ATP11A: variants seen among roughly 807,000 people sequenced by gnomAD.
ATP11A encodes phospholipid-transporting ATPase IH.
In ATP11A, 81 loss-of-function variants were observed where a neutral mutation model predicts 154.4. The observed-to-expected ratio is 0.52, with a 90% CI of 0.44 to 0.63. The LOEUF is 0.63. ATP11A is among the 30% of genes least tolerant of loss of function. The pLI, the probability that ATP11A is intolerant of heterozygous loss-of-function variation, is 0.00. For synonymous variants in ATP11A, 623 were observed against 585.9 expected (o/e 1.06, Z -0.91); for missense variants, 1,316 against 1,474.3 (o/e 0.89, Z 1.76).
chr13:112,691,624 A>G (rs1459130757), intron 1 of ATP11A, among the ~76,000 whole-genome samples: 2 of 152,042 alleles, frequency 1.3e-5, no homozygotes, highest in Non-Finnish European at 2.9e-5. Flanking sequence ...GAGAAGTCGC[A>G]TGCACCGGGT....
intron 6 of ATP11A, among the ~76,000 whole-genome samples, chr13:112,817,440 C>T (rs1297681312): frequency 7.2e-5 from 11 of 152,254 alleles, no homozygotes; most frequent in Admixed American, 2.0e-4. Flanking sequence ...AGAATGAACA[C>T]GCTAACCTAA....
rs922188611 is a variant in ATP11A, at chr13:112,753,773, A to T, written c.40-31362A>T. Among the ~76,000 whole-genome samples, 6 of 152,180 alleles carry T rather than the reference A, an allele frequency of 3.9e-5. No individual in the cohort carries two copies. Among genetic ancestry groups the T allele is most frequent in the Admixed American group, 1.3e-4 (2 of 15,288 alleles). ...TAAAGTGAGTCACATAAAAAAAATAATGGAGACAGTGATTCCCAGGCCAAG... is the reference window on the plus strand; with the variant it reads ...TAAAGTGAGTCACATAAAAAAAATATTGGAGACAGTGATTCCCAGGCCAAG... On this transcript the variant is annotated intron_variant, in intron 1 of 29. Coordinates refer to ENST00000375645, the MANE Select transcript of ATP11A (RefSeq NM_015205.3). This position sits in a 1 kb window ranked among gnomAD's most constrained non-coding sequence, Gnocchi z 4.1.
chr13:112,718,546 C>A (rs1193864499), intron 1 of ATP11A, among the ~76,000 whole-genome samples: 2 of 152,212 alleles, frequency 1.3e-5, no homozygotes, highest in Non-Finnish European at 2.9e-5. Context: ...GGATGGGAAC[C>A]CGCAGAGGCA....
intron 1 of ATP11A, among the ~76,000 whole-genome samples, chr13:112,768,267 C>T (rs186543012): frequency 2.1e-4 from 32 of 152,378 alleles, no homozygotes; most frequent in Non-Finnish European, 2.9e-4. Context: ...CTACCAGCAG[C>T]GTCTTCGCTT....
At chr13:112,752,349 T>C (rs970379782) in intron 1 of ATP11A, among the ~76,000 whole-genome samples, 6 of 152,200 alleles carry the variant, frequency 3.9e-5, no homozygotes, top group African/African-American at 1.4e-4. Flanking sequence ...TGCGAGGACC[T>C]GTTTGAGCAC....
chr13:112,822,052 A>G (rs531937818), intron 8 of ATP11A, among the ~76,000 whole-genome samples: 1 of 152,316 alleles, frequency 6.6e-6, no homozygotes, highest in Admixed American at 6.5e-5. Flanking sequence ...TCGACCAAAT[A>G]TACTGCATGC....
chr13:112,726,149 G>A (rs1413509407), intron 1 of ATP11A, among the ~76,000 whole-genome samples: 7 of 152,134 alleles, frequency 4.6e-5, no homozygotes, highest in South Asian at 4.1e-4. Flanking sequence ...GGGGCACGGC[G>A]TGCGTGCAGG....
At chr13:112,802,219 G>T (rs113759222) in intron 2 of ATP11A, among the ~76,000 whole-genome samples, 3 of 152,010 alleles carry the variant, frequency 2.0e-5, no homozygotes, top group African/African-American at 7.3e-5. Flanking sequence ...GGTGGTGGGC[G>T]CCTGTAGTCC....
intron 1 of ATP11A, among the ~76,000 whole-genome samples, chr13:112,770,641 A>G (rs1180753451): frequency 6.6e-6 from 1 of 152,134 alleles, no homozygotes; most frequent in African/African-American, 2.4e-5. Context: ...AACGTGGTCC[A>G]CCTGCGGAGG....
At chr13:112,823,321 T>C (rs749725054) in intron 8 of ATP11A, 24 bp from the exon 9 acceptor site, 1 of 1,608,490 alleles carries the variant, frequency 6.2e-7, no homozygotes, top group Non-Finnish European at 8.5e-7. Flanking sequence ...GTCCGCATCA[T>C]TTCTGATCAT....
At position 112,854,519 on chromosome 13, in the gene ATP11A, C is replaced by T. The variant is rs747384650; in HGVS notation, c.2232C>T (p.Asp744=). Residue 744 remains aspartate, a synonymous_variant, in exon 19 of 30, where the codon GAC becomes GAT. Transcript: ENST00000375645. ...GCCACAGCGGGAGCCTGACCAGAGA[C>T]AACCTGTCCGGGTAGGCAGCGCGTC... ...VLRHSGSLTR[D]NLSGLSADMQ... is the part of the protein sequence containing the mutation. 3.7e-6 allele frequency: 6 copies of T among 1,610,034 alleles called. No individual in the cohort carries two copies. The highest frequency in any genetic ancestry group is 5.1e-6 in the Non-Finnish European group (6 of 1,179,646).
At chr13:112,747,870 GGATT>G (rs1204195598) in intron 1 of ATP11A, among the ~76,000 whole-genome samples, 2 of 151,926 alleles carry the variant, frequency 1.3e-5, no homozygotes, top group Admixed American at 6.6e-5. Flanking sequence ...AAGGAACACA[GGATT>G]GTATGCAGAA....
Position 112,832,994 on chromosome 13 carries a change from C to T in ATP11A, c.1530C>T (p.Asp510=), listed in dbSNP as rs544032966. ...GTGTGTACATCTCATCCTCGCCCGA[C>T]GAGGTGGCGCTGGTCGAAGGTGTCC... The part of the protein sequence containing the change: ...KSCVYISSSP[D]EVALVEGVQR... The change falls in exon 14 of 30, where the codon GAC becomes GAT. Residue 510 remains aspartate (D), a synonymous_variant. Transcript: ENST00000375645. 7 of 1,613,292 alleles carry T rather than the reference C, an allele frequency of 4.3e-6. No homozygotes were observed. The highest frequency in any genetic ancestry group is 4.0e-5 in the African/African-American group (3 of 75,012).
chr13:112,799,105 CAACAT>C (rs1489360629), intron 2 of ATP11A, among the ~76,000 whole-genome samples: 1 of 152,158 alleles, frequency 6.6e-6, no homozygotes, highest in Non-Finnish European at 1.5e-5. Context: ...TTCTCCAAGA[CAACAT>C]AACAATTCTC....
intron 1 of ATP11A, among the ~76,000 whole-genome samples, chr13:112,725,401 T>G (rs1283993963): frequency 6.6e-6 from 1 of 152,172 alleles, no homozygotes; most frequent in Non-Finnish European, 1.5e-5. Flanking sequence ...TGCCCGGGCA[T>G]GCACCAGCCT....
intron 2 of ATP11A, among the ~76,000 whole-genome samples, chr13:112,804,697 A>C (rs539503429): frequency 5.3e-5 from 8 of 151,908 alleles, no homozygotes; most frequent in Non-Finnish European, 1.2e-4. Flanking sequence ...ACATCTTAAT[A>C]ATCAAACTAT....
At chr13:112,752,541 C>G (rs1191450630) in intron 1 of ATP11A, among the ~76,000 whole-genome samples, 1 of 152,182 alleles carries the variant, frequency 6.6e-6, no homozygotes, top group African/African-American at 2.4e-5. Context: ...CCACCCCCAG[C>G]CTGCTGCCAT....
chr13:112,765,148 C>G (rs980154113), intron 1 of ATP11A, among the ~76,000 whole-genome samples: 1 of 25,220 alleles, frequency 4.0e-5, no homozygotes, highest in African/African-American at 4.5e-4. Flanking sequence ...GGCTTGCCCC[C>G]CCTCCCCCCC....
intron 14 of ATP11A, 84 bp from the exon 15 acceptor site, chr13:112,834,505 T>A: frequency 1.1e-6 from 1 of 890,848 alleles, no homozygotes; most frequent in South Asian, 1.4e-5. Flanking sequence ...AAAAGAACGC[T>A]TTACCAAAAT....
Sources: allele counts gnomAD v4.1 joint callset (sites outside exome capture counted in the v4.1 genomes callset), GRCh38; gene constraint gnomAD v4.1.1; non-coding constraint Gnocchi (gnomAD v3.1); transcripts MANE v1.5; gene names NCBI Gene and HGNC (gene_info 2026-07-23, HGNC 2026-07-21).